The following CPT1A variants were observed in gnomAD, a reference collection of about 807,000 sequenced individuals.
The protein encoded by CPT1A is carnitine palmitoyltransferase 1A, also known as carnitine O-palmitoyltransferase 1, liver isoform.
In CPT1A, 64 loss-of-function variants were observed where a neutral mutation model predicts 100.8. The ratio of observed to expected loss-of-function variants is 0.63; its 90% CI spans 0.52 to 0.78. CPT1A has a LOEUF of 0.78. Among genes scored for constraint, CPT1A ranks in the 30% least tolerant of loss-of-function variants. CPT1A has a pLI of 0.00. For synonymous variants in CPT1A, 363 were observed against 396.0 expected (o/e 0.92, Z 0.99); for missense variants, 802 against 1,034.1 (o/e 0.78, Z 3.08).
intron 5 of CPT1A, among the ~76,000 whole-genome samples, chr11:68,800,490 C>CA (rs57450875): frequency 0.068 from 5,357 of 78,870 alleles, 137 homozygotes; most frequent in Middle Eastern, 0.16. Flanking sequence ...CCCATCTCTG[C>CA]AAAAAAAAAA....
chr11:68,761,486 A>C (rs1024895468), intron 16 of CPT1A, 49 bp downstream of exon 16: 18 of 1,589,896 alleles, frequency 1.1e-5, no homozygotes, highest in Non-Finnish European at 1.5e-5. Flanking sequence ...TAATTTACTA[A>C]GTTTTGGTCT....
intron 10 of CPT1A, among the ~76,000 whole-genome samples, chr11:68,783,844 G>A (rs867863727): frequency 2.6e-5 from 4 of 152,156 alleles, no homozygotes; most frequent in African/African-American, 7.2e-5. Context: ...CCACACCTGC[G>A]AGAAAACCAA....
rs200893871 is a variant in CPT1A at position 68,762,662 on chromosome 11, C to T, written c.1840G>A (p.Asp614Asn). 2.4e-5 allele frequency: 38 copies of T among 1,613,944 alleles called. No individual in the cohort carries two copies. The highest frequency in any genetic ancestry group is 5.0e-5 in the Admixed American group (3 of 60,020). ...GGGTCCACCATGGCCCGCACGAAGTCGCATGACTCAGTGGTGCAGGAGCGC... is the reference window on the plus strand; with the variant it reads ...GGGTCCACCATGGCCCGCACGAAGTTGCATGACTCAGTGGTGCAGGAGCGC... ...TVRSCTTESC[D>N]FVRAMVDPAQ... The change falls in exon 15 of 19, where the codon GAC becomes AAC. Residue 614 changes from aspartate to asparagine, a missense_variant. Coordinates refer to ENST00000265641, the MANE Select transcript of CPT1A (RefSeq NM_001876.4).
At chr11:68,772,388 A>AGAAAC (rs1855014694) in intron 14 of CPT1A, among the ~76,000 whole-genome samples, 1 of 152,144 alleles carries the variant, frequency 6.6e-6, no homozygotes, top group South Asian at 2.1e-4. Flanking sequence ...AGCCAATGCC[A>AGAAAC]CGATGACTTG....
chr11:68,763,179 C>T (rs938940235), intron 14 of CPT1A, among the ~76,000 whole-genome samples: 2 of 152,232 alleles, frequency 1.3e-5, no homozygotes, highest in Admixed American at 6.5e-5. Context: ...AGTCTCTGGC[C>T]GCTTTTACAT....
chr11:68,817,034 TGTG>T (rs1856434437), intron 1 of CPT1A, among the ~76,000 whole-genome samples: 1 of 16,372 alleles, frequency 6.1e-5, no homozygotes, highest in South Asian at 2.6e-3. Context: ...TGTGTGGGTG[TGTG>T]GTGATGTGTG....
Position 68,773,449 on chromosome 11 carries a change from A to C in CPT1A, c.1576-20T>G. The C allele has an allele frequency of 1.2e-6, 2 of 1,613,958 alleles. No homozygotes were observed. Among genetic ancestry groups the C allele is most frequent in the Non-Finnish European group, 1.7e-6 (2 of 1,179,898 alleles). On this transcript the variant is annotated intron_variant, in intron 13 of 18. Transcript: ENST00000265641. ...TTGACACTTGAGAGAAAGAAGAAAA[A>C]GGTTTTACGGAACGAGGGGAGAAAA...
intron 1 of CPT1A, among the ~76,000 whole-genome samples, chr11:68,820,564 T>TCC (rs1856555298): frequency 6.6e-6 from 1 of 152,014 alleles, no homozygotes; most frequent in Admixed American, 6.6e-5. Flanking sequence ...ATGCCTGTAA[T>TCC]CCCAGCTACT....
At chr11:68,769,262 AGG>A (rs1854914977) in intron 14 of CPT1A, among the ~76,000 whole-genome samples, 1 of 152,150 alleles carries the variant, frequency 6.6e-6, no homozygotes, top group Non-Finnish European at 1.5e-5. Flanking sequence ...TTTTAAAGAT[AGG>A]GTCTCACTGT....
chr11:68,784,140 GGCGTGA>G (rs1316857555), intron 10 of CPT1A, among the ~76,000 whole-genome samples: 1 of 152,202 alleles, frequency 6.6e-6, no homozygotes, highest in African/African-American at 2.4e-5. Flanking sequence ...TGGAATTATA[GGCGTGA>G]GCCACTGCGC....
intron 14 of CPT1A, among the ~76,000 whole-genome samples, chr11:68,772,475 C>A (rs555346406): frequency 6.6e-6 from 1 of 150,426 alleles, no homozygotes; most frequent in Non-Finnish European, 1.5e-5. Context: ...CCATTTATGT[C>A]CCTGCTAGGG....
chr11:68,816,354 C>T (rs563561049), intron 1 of CPT1A, among the ~76,000 whole-genome samples: 4 of 152,334 alleles, frequency 2.6e-5, no homozygotes, highest in Non-Finnish European at 5.9e-5. Context: ...TGTCCACAGA[C>T]GGAGCGGGCC....
chr11:68,769,814 T>A (rs947273585), intron 14 of CPT1A, among the ~76,000 whole-genome samples: 1 of 152,048 alleles, frequency 6.6e-6, no homozygotes, highest in African/African-American at 2.4e-5. Context: ...TTTGGGAGGC[T>A]GAGGCAGGCG....
chr11:68,789,338 T>C (rs1341083101), intron 9 of CPT1A, among the ~76,000 whole-genome samples: 8 of 152,080 alleles, frequency 5.3e-5, no homozygotes, highest in African/African-American at 1.9e-4. Context: ...AGAAAGTGGG[T>C]GGGGCTTTGC....
intron 1 of CPT1A, among the ~76,000 whole-genome samples, chr11:68,829,823 G>A (rs1856834761): frequency 6.6e-6 from 1 of 151,942 alleles, no homozygotes; most frequent in South Asian, 2.1e-4. Context: ...CAACACCCCG[G>A]CGGCCTCCAC....
chr11:68,815,203 TTAAGTACCA>T, intron 2 of CPT1A, 122 bp downstream of exon 2: 1 of 932,700 alleles, frequency 1.1e-6, no homozygotes, highest in South Asian at 1.4e-5. Flanking sequence ...TCCCCAAGCC[TTAAGTACCA>T]TGGAAACAGG....
chr11:68,816,677 T>C (rs959022770), intron 1 of CPT1A, among the ~76,000 whole-genome samples: 1 of 152,036 alleles, frequency 6.6e-6, no homozygotes, highest in South Asian at 2.1e-4. Flanking sequence ...CCAAGCTGCC[T>C]GCCACAAAGT....
chr11:68,781,492 C>T (rs573175592), intron 11 of CPT1A, among the ~76,000 whole-genome samples: 7 of 152,188 alleles, frequency 4.6e-5, no homozygotes, highest in East Asian at 1.9e-4. Flanking sequence ...TGGTGGCACA[C>T]GCCTGTAATC....
At position 68,829,310 on chromosome 11, in the gene CPT1A, C is replaced by T. The variant is rs138740789; in HGVS notation, c.-14+12465G>A. The stretch of plus-strand genomic sequence containing the variant: ...ACCTGCCCAACGGCTCTTTAATCCA[C>T]GTCACCCCAGGGGCCGGCCTATCTG... On this transcript the variant is annotated intron_variant, in intron 1 of 18. Transcript: ENST00000265641. Among the ~76,000 whole-genome samples, 1,498 of 152,290 alleles carry T rather than the reference C, an allele frequency of 9.8e-3. 15 individuals carry two copies. Among genetic ancestry groups the T allele is most frequent in the East Asian group, 0.045 (233 of 5,172 alleles).
Sources: gnomAD v4.1 joint callset for allele counts (sites outside exome capture counted in the v4.1 genomes callset) on GRCh38, gnomAD v4.1.1 for gene constraint, MANE v1.5 for transcripts, NCBI Gene and HGNC (gene_info 2026-07-23, HGNC 2026-07-21) for gene names.